The following UNC13A variants were observed in gnomAD, a reference collection of about 807,000 sequenced individuals.
UNC13A encodes protein unc-13 homolog A.
In UNC13A, 61 loss-of-function variants were observed where a neutral mutation model predicts 219.7. That is an observed-to-expected ratio of 0.28 (90% CI 0.23 to 0.34). UNC13A has a LOEUF of 0.34. UNC13A is among the 10% of genes least tolerant of loss of function. UNC13A has a pLI of 1.00. For synonymous variants in UNC13A, 920 were observed against 884.6 expected, an observed-to-expected ratio of 1.04 and a Z score of -0.71; for missense variants, 1,476 against 2,270.3, an observed-to-expected ratio of 0.65 and a Z score of 7.11.
At chr19:17,655,410 G>A in intron 10 of UNC13A, 28 bp from the exon 11 acceptor site, 1 of 1,533,296 alleles carries the variant, frequency 6.5e-7, no homozygotes, top group Non-Finnish European at 8.8e-7. Flanking sequence ...ATGAGGCTCT[G>A]GGCTGGCTCT....
rs75595663 is a variant in UNC13A, at chr19:17,632,813, C to A, written c.3397G>T (p.Ala1133Ser). The A allele has an allele frequency of 0.075, 121,328 of 1,613,818 alleles. 5,119 individuals carry two copies. The highest frequency in any genetic ancestry group is 0.098 in the Middle Eastern group (592 of 6,022). ...LYNEYVTELP[A>S]FKDRVPEYPA... ...TACTCAGGCACGCGGTCCTTGAAGG[C>A]GGGAAGTTCCGTCACATACTCATTG... The change falls in exon 28 of 44, where the codon GCC becomes TCC. Residue 1133 changes from alanine to serine, a missense_variant. By Grantham distance (99) the Ala-to-Ser change is moderately conservative. This residue lies in a region of UNC13A where 218 missense variants were observed against 409.4 expected (regional missense o/e 0.53). Coordinates refer to ENST00000519716, the MANE Select transcript of UNC13A (RefSeq NM_001080421.3).
chr19:17,616,381 C>T lies in UNC13A; in HGVS notation c.4558+1321G>A, dbSNP rs1249463506. On this transcript the variant is annotated intron_variant, in intron 41 of 43. Coordinates refer to ENST00000519716, the MANE Select transcript of UNC13A (RefSeq NM_001080421.3). ...GCAGGCACCGGGCACCAGGCGCGGG[C>T]GGCGGGCGGGAGGCGGAGGCACGTA... 1.3e-5 allele frequency: 8 copies of T among 625,636 alleles called. No homozygotes were observed. The African/African-American group carries it at 1.3e-4, about 10-fold the overall frequency. The allele number at this position is 625,636 out of a possible 1,614,324, so 38.8% of individuals were successfully genotyped here.
At chr19:17,630,526 T>C (rs1384068267) in intron 29 of UNC13A, 128 bp downstream of exon 29, 2 of 1,220,880 alleles carry the variant, frequency 1.6e-6, no homozygotes, top group East Asian at 5.0e-5. Context: ...CAAAAGATTT[T>C]AAAAACCATG....
chr19:17,606,257 C>T lies in UNC13A; in HGVS notation c.4909G>A (p.Val1637Met), dbSNP rs2076527247. Residue 1637 changes from valine (V) to methionine (M), a missense_variant, in exon 44 of 44, where the codon GTG becomes ATG. Physicochemically the swap from Val to Met is conservative, Grantham distance 21. Around this residue, in one of 14 missense-constraint regions of UNC13A, gnomAD observed 187 missense variants for 172.3 expected, o/e 1.09. Coordinates refer to ENST00000519716, the MANE Select transcript of UNC13A (RefSeq NM_001080421.3). Reference protein sequence around the residue: ...AREDRTVGLAVLQLRELAQRG... With the variant: ...AREDRTVGLAMLQLRELAQRG... ...TGGGCCAGCTCACGCAGCTGCAGCA[C>T]GGCCAGCCCCACCGTGCGGTCCTCG... is the stretch of plus-strand genomic sequence containing the variant. 6.5e-7 allele frequency: 1 copy of T among 1,547,658 alleles called. No individual in the cohort carries two copies. Among genetic ancestry groups the T allele is most frequent in the Non-Finnish European group, 8.7e-7 (1 of 1,146,406 alleles).
chr19:17,608,988 G>T (rs796932125), intron 43 of UNC13A, among the ~76,000 whole-genome samples: 3 of 118,166 alleles, frequency 2.5e-5, no homozygotes, highest in East Asian at 5.3e-4. Context: ...GTGGAGTTTC[G>T]CTTTTGTTGC....
intron 26 of UNC13A, among the ~76,000 whole-genome samples, chr19:17,635,000 A>G (rs904861806): frequency 6.6e-6 from 1 of 152,028 alleles, no homozygotes; most frequent in Non-Finnish European, 1.5e-5. Flanking sequence ...CCTCCCGAGT[A>G]GCTGGGACTA....
chr19:17,610,443 G>C (rs2076590194), intron 42 of UNC13A, among the ~76,000 whole-genome samples: 2 of 152,112 alleles, frequency 1.3e-5, no homozygotes, highest in South Asian at 4.1e-4. Context: ...TCCAGCCTGT[G>C]TGACAAAGCA....
intron 26 of UNC13A, among the ~76,000 whole-genome samples, chr19:17,633,478 C>G (rs1219610228): frequency 6.6e-6 from 1 of 152,116 alleles, no homozygotes; most frequent in African/African-American, 2.4e-5. Flanking sequence ...ATTCATCCAT[C>G]CTTCCATCCA....
chr19:17,637,543 C>T (rs2076925815), intron 25 of UNC13A, among the ~76,000 whole-genome samples: 1 of 152,134 alleles, frequency 6.6e-6, no homozygotes. Flanking sequence ...CATGATCCAC[C>T]CACCTCGGCC....
intron 8 of UNC13A, among the ~76,000 whole-genome samples, chr19:17,659,702 G>A (rs1373837194): frequency 1.3e-5 from 2 of 152,150 alleles, no homozygotes; most frequent in Non-Finnish European, 2.9e-5. Flanking sequence ...CCAGGAGGTC[G>A]AGGTAGCAGT....
Position 17,688,249 on chromosome 19 carries a change from G to A in UNC13A, c.-50C>T. 7.0e-7 allele frequency: 1 copy of A among 1,433,398 alleles called. No individual in the cohort carries two copies. Among genetic ancestry groups the A allele is most frequent in the South Asian group, 1.5e-5 (1 of 68,220 alleles). The allele number at this position is 1,433,398 out of a possible 1,614,324, so 88.8% of individuals were successfully genotyped here. A position where few individuals can be genotyped will look rare whatever the true frequency, so the allele number is the denominator to read the frequency against. Reference sequence around the variant, plus strand: ...GAGGCGGCCGGGCCGGCTCTGTCGGGTCGGGCTCAGCGGCCGCTGGGCTGG... The same window carrying A: ...GAGGCGGCCGGGCCGGCTCTGTCGGATCGGGCTCAGCGGCCGCTGGGCTGG... On this transcript the variant is annotated 5_prime_UTR_variant, in exon 1 of 44. Coordinates refer to ENST00000519716, the MANE Select transcript of UNC13A (RefSeq NM_001080421.3).
chr19:17,627,787 G>T lies in UNC13A; in HGVS notation c.3831+76C>A. 6.8e-7 allele frequency: 1 copy of T among 1,469,370 alleles called. No homozygotes were observed. 91.0% of individuals were successfully genotyped at this position (1,469,370 alleles called of 1,614,324 possible). Reference sequence around the variant, plus strand: ...TTCATCCCCAGGCCTGGTGGCATATGAGCTCAGGGGCCTGCAGGGACACAG... The same window carrying T: ...TTCATCCCCAGGCCTGGTGGCATATTAGCTCAGGGGCCTGCAGGGACACAG... On this transcript the variant is annotated intron_variant, in intron 32 of 43. Coordinates refer to ENST00000519716, the MANE Select transcript of UNC13A (RefSeq NM_001080421.3). The surrounding 1 kb of genome is among the most constrained non-coding windows in gnomAD (Gnocchi z 4.7).
intron 42 of UNC13A, among the ~76,000 whole-genome samples, chr19:17,610,328 T>C (rs931636670): frequency 1.3e-5 from 2 of 151,810 alleles, no homozygotes; most frequent in African/African-American, 4.8e-5. Context: ...CAGCTGGGCG[T>C]GGTGGCACGC....
In UNC13A at chr19:17,603,387, C is replaced by T. The variant is rs1271522376; in HGVS notation, c.*2667G>A. The T allele has an allele frequency of 6.6e-6, 1 of 152,292 alleles. No homozygotes were observed. Among genetic ancestry groups the T allele is most frequent in the Non-Finnish European group, 1.5e-5 (1 of 68,080 alleles). The allele number at this position is 152,292 out of a possible 1,614,324, so 9.4% of individuals were successfully genotyped here. A position where few individuals can be genotyped will look rare whatever the true frequency, so the allele number is the denominator to read the frequency against. On this transcript the variant is annotated 3_prime_UTR_variant, in exon 44 of 44. Transcript: ENST00000519716. Reference sequence around the variant, plus strand: ...TCACAGATCACTTCCCCTTTGGGCTCTATGGGTTACAACCCTGAATCATCC... The same window carrying T: ...TCACAGATCACTTCCCCTTTGGGCTTTATGGGTTACAACCCTGAATCATCC...
intron 1 of UNC13A, among the ~76,000 whole-genome samples, chr19:17,681,744 G>T (rs1254899295): frequency 1.3e-5 from 2 of 152,096 alleles, no homozygotes; most frequent in Admixed American, 6.6e-5. Flanking sequence ...TCCCCCAGAG[G>T]CGCGGGCAGG....
intron 7 of UNC13A, among the ~76,000 whole-genome samples, chr19:17,664,034 G>T (rs550677246): frequency 6.1e-4 from 92 of 151,562 alleles, no homozygotes; most frequent in African/African-American, 2.2e-3. Flanking sequence ...GGTCAGGCTG[G>T]TCTCAAACAC....
Position 17,640,537 on chromosome 19 carries a change from C to A in UNC13A, c.2761G>T (p.Asp921Tyr). 1 of 1,551,628 alleles carries A rather than the reference C, an allele frequency of 6.4e-7. No homozygotes were observed. The highest frequency in any genetic ancestry group is 2.4e-5 in the East Asian group (1 of 41,062). ...TTASTNVSAS[D>Y]RFAASNFGKE... ...CCAAAGTTGGAGGCGGCGAAGCGGT[C>A]GGAGGCAGACACGTTGGTGGAGGCG... The change falls in exon 22 of 44, where the codon GAC becomes TAC. Residue 921 changes from aspartate to tyrosine, a missense_variant. Transcript: ENST00000519716.
At chr19:17,657,927 G>T in intron 9 of UNC13A, 135 bp downstream of exon 9, 4 of 807,612 alleles carry the variant, frequency 5.0e-6, no homozygotes, top group South Asian at 1.9e-5. Flanking sequence ...AAGAAAATGT[G>T]AATTCTGCCC....
intron 8 of UNC13A, among the ~76,000 whole-genome samples, chr19:17,662,437 G>C (rs73009964): frequency 0.094 from 14,318 of 151,826 alleles, 805 homozygotes; most frequent in Non-Finnish European, 0.13. Flanking sequence ...ATGATGATGA[G>C]TTGTATCATT....
Sources: allele counts gnomAD v4.1 joint callset (sites outside exome capture counted in the v4.1 genomes callset), GRCh38; gene constraint gnomAD v4.1.1; regional missense constraint gnomAD v4.1.1; non-coding constraint Gnocchi (gnomAD v3.1); transcripts MANE v1.5; gene names NCBI Gene and HGNC (gene_info 2026-07-23, HGNC 2026-07-21).